The following PHLDB2 variants were observed in gnomAD, a reference collection of about 807,000 sequenced individuals.
PHLDB2 encodes the protein pleckstrin homology-like domain family B member 2.
PHLDB2 carries 71 observed loss-of-function variants against 123.6 expected under a neutral mutation model. That is an observed-to-expected ratio of 0.57 (90% CI 0.47 to 0.70). The LOEUF (loss-of-function observed/expected upper bound fraction) is 0.70. Among genes scored for constraint, PHLDB2 ranks in the 30% least tolerant of loss-of-function variants. The pLI, the probability that PHLDB2 is intolerant of heterozygous loss-of-function variation, is 0.00. For missense variants in PHLDB2, 1,446 were observed against 1,519.5 expected (o/e 0.95, Z 0.80); for synonymous variants, 547 against 541.6 (o/e 1.01, Z -0.14).
At chr3:111,956,937 G>A (rs917963926) in intron 12 of PHLDB2, 4 of 152,182 alleles carry the variant, frequency 2.6e-5, no homozygotes, top group African/African-American at 9.7e-5. Flanking sequence ...CTCACATTTA[G>A]TAGACTTTAA....
Position 111,782,199 on chromosome 3 carries a change from T to C in PHLDB2, c.-49+49496T>C, listed in dbSNP as rs528940902. ...GTAGAATCTAGAGATGGGTAATGAC[T>C]GCCCTTAAAATTGGTAGCAAATGTT... On this transcript the variant is annotated intron_variant, in intron 1 of 17. Coordinates refer to the PHLDB2 transcript ENST00000393923. Among the ~76,000 whole-genome samples the C allele has an allele frequency of 1.5e-4, 23 of 152,240 alleles. No individual in the cohort carries two copies. In the South Asian group the frequency reaches 4.1e-3, roughly 27 times the overall value.
At chr3:111,968,998 T>C (rs1313146701) in intron 15 of PHLDB2, among the ~76,000 whole-genome samples, 3 of 152,196 alleles carry the variant, frequency 2.0e-5, no homozygotes, top group Non-Finnish European at 2.9e-5. Flanking sequence ...CCCATGGTGA[T>C]ATATGCTTCC....
chr3:111,841,122 C>T (rs144708528), intron 1 of PHLDB2, among the ~76,000 whole-genome samples: 217 of 152,088 alleles, frequency 1.4e-3, no homozygotes, highest in African/African-American at 4.9e-3. Flanking sequence ...ATTTTTGAGA[C>T]GGAGTCTCAC....
chr3:111,971,499 A>T (rs971706691), intron 16 of PHLDB2, among the ~76,000 whole-genome samples: 1 of 152,176 alleles, frequency 6.6e-6, no homozygotes, highest in African/African-American at 2.4e-5. Context: ...ACCCTAATTT[A>T]AAAAAACAGA....
chr3:111,910,169 G>A lies in PHLDB2; in HGVS notation c.1336-3150G>A, dbSNP rs569417485. Reference sequence around the variant, plus strand: ...CCCTTTAACCTCTAAGTGAAAAATTGCACACAATTTTCTTTACGTATACTT... The same window carrying A: ...CCCTTTAACCTCTAAGTGAAAAATTACACACAATTTTCTTTACGTATACTT... On this transcript the variant is annotated intron_variant, in intron 2 of 17. Coordinates refer to ENST00000431670, the MANE Select transcript of PHLDB2 (RefSeq NM_001134438.2). Among the ~76,000 whole-genome samples, 10 of 152,212 alleles carry A rather than the reference G, an allele frequency of 6.6e-5. No homozygotes were observed. In the South Asian group the frequency reaches 2.1e-3, roughly 32 times the overall value.
At chr3:111,781,427 C>T (rs1213431962) in intron 1 of PHLDB2, among the ~76,000 whole-genome samples, 1 of 152,024 alleles carries the variant, frequency 6.6e-6, no homozygotes, top group African/African-American at 2.4e-5. Context: ...CACAGCCCTC[C>T]TGAGTCAGGA....
intron 1 of PHLDB2, among the ~76,000 whole-genome samples, chr3:111,869,635 T>C (rs1402334781): frequency 6.6e-6 from 1 of 152,128 alleles, no homozygotes; most frequent in African/African-American, 2.4e-5. Context: ...AGAGTCCCCA[T>C]TAGCAGTCAC....
chr3:111,860,707 T>C (rs2064792046), intron 1 of PHLDB2, among the ~76,000 whole-genome samples: 1 of 152,180 alleles, frequency 6.6e-6, no homozygotes, highest in Non-Finnish European at 1.5e-5. Context: ...TTTCTCTCGG[T>C]AAACTACCCG....
intron 1 of PHLDB2, among the ~76,000 whole-genome samples, chr3:111,771,534 T>G (rs1396239469): frequency 6.6e-6 from 1 of 152,006 alleles, no homozygotes; most frequent in African/African-American, 2.4e-5. Context: ...AGAGATGGGG[T>G]TTCACCACGT....
At position 111,851,194 on chromosome 3, in the gene PHLDB2, TAAAAAA is replaced by T. The variant is rs11309576; in HGVS notation, c.67+5276_67+5281del. Reference sequence around the variant, plus strand: ...TGGGTGACAGAGCGAGATTCTGTCTTAAAAAAAAAAAAAAAAAAAAAAGGTTTTTAC... The same window carrying T: ...TGGGTGACAGAGCGAGATTCTGTCTTAAAAAAAAAAAAAAAAGGTTTTTAC... On this transcript the variant is annotated intron_variant, in intron 2 of 17. Transcript: ENST00000393923. Among the ~76,000 whole-genome samples, 6 of 103,636 alleles carry T rather than the reference TAAAAAA, an allele frequency of 5.8e-5. No individual in the cohort carries two copies. The East Asian group carries it at 1.7e-3, about 29-fold the overall frequency. The allele number at this position is 103,636 out of a possible 152,430, so 68.0% of individuals were successfully genotyped here. A position where few individuals can be genotyped will look rare whatever the true frequency, so the allele number is the denominator to read the frequency against.
intron 1 of PHLDB2, among the ~76,000 whole-genome samples, chr3:111,739,229 A>G (rs980375436): frequency 6.6e-6 from 1 of 152,196 alleles, no homozygotes; most frequent in Non-Finnish European, 1.5e-5. Flanking sequence ...CAGCTATGCC[A>G]CCTTGAAGAT....
At chr3:111,830,967 A>G (rs572483838) in intron 1 of PHLDB2, among the ~76,000 whole-genome samples, 479 of 31,976 alleles carry the variant, frequency 0.015, 25 homozygotes, top group South Asian at 0.076. Context: ...GAAAGAAAGA[A>G]AGAAAGAAAG....
intron 1 of PHLDB2, among the ~76,000 whole-genome samples, chr3:111,752,236 GTGTGTC>G (rs1161879015): frequency 7.0e-6 from 1 of 143,490 alleles, no homozygotes; most frequent in Non-Finnish European, 1.5e-5. Context: ...GTGTGTGTGT[GTGTGTC>G]TGTGTCTGTG....
At chr3:111,870,313 T>C (rs1403135649) in intron 1 of PHLDB2, among the ~76,000 whole-genome samples, 2 of 152,024 alleles carry the variant, frequency 1.3e-5, no homozygotes, top group Non-Finnish European at 2.9e-5. Flanking sequence ...TGAGGGTTGT[T>C]TGCAGAGATA....
chr3:111,922,182 C>A lies in PHLDB2; in HGVS notation c.2001+1763C>A, dbSNP rs373785755. On this transcript the variant is annotated intron_variant, in intron 5 of 17. Coordinates refer to ENST00000431670, the MANE Select transcript of PHLDB2 (RefSeq NM_001134438.2). ...CAACATAGGAATTAGGTATCATGTT[C>A]CCTGTGAACCCTCCTGCCATCCTAA... Among the ~76,000 whole-genome samples, 43 of 152,280 alleles carry A rather than the reference C, an allele frequency of 2.8e-4. No individual in the cohort carries two copies. The South Asian group carries it at 3.9e-3, about 14-fold the overall frequency.
Position 111,732,925 on chromosome 3 carries a change from G to A in PHLDB2, c.-49+222G>A, listed in dbSNP as rs142486514. Among the ~76,000 whole-genome samples, 374 of 152,196 alleles carry A rather than the reference G, an allele frequency of 2.5e-3. 12 individuals carry two copies. The highest frequency in any genetic ancestry group is 4.6e-4 in the Non-Finnish European group (31 of 68,012). On this transcript the variant is annotated intron_variant, in intron 1 of 17. Transcript: ENST00000393923. ...CTGAAAATTGTTGTTGCTCCTGTAC[G>A]TATTTCAGAAACTTGGAAGGTTTTT...
At chr3:111,837,400 A>G (rs1338344063) in intron 1 of PHLDB2, among the ~76,000 whole-genome samples, 1 of 152,152 alleles carries the variant, frequency 6.6e-6, no homozygotes, top group Non-Finnish European at 1.5e-5. Flanking sequence ...GGCATGGAGA[A>G]GAGTGTGTTC....
At chr3:111,904,490 A>C (rs2067400313) in intron 2 of PHLDB2, among the ~76,000 whole-genome samples, 1 of 152,150 alleles carries the variant, frequency 6.6e-6, no homozygotes, top group Admixed American at 6.5e-5. Flanking sequence ...GTCTGCATAA[A>C]GGCAGGAGCA....
At chr3:111,810,255 G>A (rs538883288) in intron 1 of PHLDB2, among the ~76,000 whole-genome samples, 2 of 152,128 alleles carry the variant, frequency 1.3e-5, no homozygotes, top group Non-Finnish European at 2.9e-5. Context: ...GCCTATCTGG[G>A]ACCATATTAC....
Sources: allele counts gnomAD v4.1 joint callset (sites outside exome capture counted in the v4.1 genomes callset), GRCh38; gene constraint gnomAD v4.1.1; transcripts MANE v1.5; gene names NCBI Gene and HGNC (gene_info 2026-07-23, HGNC 2026-07-21).